ZNF385A: variants seen among roughly 807,000 people sequenced by gnomAD.
ZNF385A encodes zinc finger protein 385A.
A neutral mutation model predicts 32.1 loss-of-function variants in ZNF385A; 14 were observed. That is an observed-to-expected ratio of 0.44 (90% CI 0.29 to 0.68). The LOEUF (loss-of-function observed/expected upper bound fraction) is 0.68. Ranked by LOEUF, ZNF385A falls within the 30% of genes least tolerant of loss-of-function variation. The pLI is 0.14. For synonymous variants in ZNF385A, 197 were observed against 202.7 expected (o/e 0.97, Z 0.24); for missense variants, 406 against 478.4 (o/e 0.85, Z 1.41).
upstream of ZNF385A, among the ~76,000 whole-genome samples, chr12:54,387,942 G>A (rs2137315248): frequency 6.6e-6 from 1 of 152,260 alleles, no homozygotes; most frequent in African/African-American, 2.4e-5. Flanking sequence ...AATGGCTGGG[G>A]AGGCAGGAAC....
intron 3 of ZNF385A, among the ~76,000 whole-genome samples, chr12:54,373,501 C>T (rs1189769158): frequency 6.8e-6 from 1 of 147,466 alleles, no homozygotes; most frequent in Non-Finnish European, 1.5e-5. Flanking sequence ...AAAAAAAACT[C>T]TGACTAGGGA....
upstream of ZNF385A, among the ~76,000 whole-genome samples, chr12:54,387,136 G>T (rs1051758497): frequency 4.6e-5 from 7 of 152,192 alleles, no homozygotes; most frequent in African/African-American, 9.7e-5. Context: ...GAGAGGAAGG[G>T]GAGAGCAGGT....
In ZNF385A at chr12:54,371,649, G is replaced by T; in HGVS notation, c.428C>A (p.Pro143His). Residue 143 changes from proline (P) to histidine (H), a missense_variant, in exon 4 of 7, where the codon CCT (proline) becomes CAT (histidine). Transcript: ENST00000394313. ...SPEKQPGSPS[P>H]PSIPETGQGV... ...CTGACCAGTCTCCGGAATGCTGGGA[G>T]GGGATGGGGAGCCAGGCTGTTTCTC... is the stretch of plus-strand genomic sequence containing the variant. 6.2e-7 allele frequency: 1 copy of T among 1,610,922 alleles called. No individual in the cohort carries two copies. The highest frequency in any genetic ancestry group is 8.5e-7 in the Non-Finnish European group (1 of 1,179,024).
chr12:54,374,023 G>A lies in ZNF385A; in HGVS notation c.311C>T (p.Ala104Val), dbSNP rs755786085. 6.3e-7 allele frequency: 1 copy of A among 1,596,352 alleles called. No homozygotes were observed. Among genetic ancestry groups the A allele is most frequent in the South Asian group, 1.1e-5 (1 of 89,128 alleles). The change falls in exon 3 of 7, where the codon GCT (alanine) becomes GTT (valine). Residue 104 changes from alanine (A) to valine (V), a missense_variant. By Grantham distance (64) the Ala-to-Val change is moderately conservative. Transcript: ENST00000394313. Reference sequence around the variant, plus strand: ...ATTTGTTGGGGTGCTGCCTGGGGGAGCTGGGTCTCCAGGTTCTCGGACGCC... The same window carrying A: ...ATTTGTTGGGGTGCTGCCTGGGGGAACTGGGTCTCCAGGTTCTCGGACGCC... Reference protein sequence around the residue: ...EPGVREPGDPAPPGSTPTNGD... With the variant: ...EPGVREPGDPVPPGSTPTNGD...
In ZNF385A at chr12:54,370,727, G is replaced by A; in HGVS notation, c.775-6C>T. The A allele has an allele frequency of 6.3e-7, 1 of 1,585,282 alleles. No individual in the cohort carries two copies. Among genetic ancestry groups the A allele is most frequent in the Non-Finnish European group, 8.6e-7 (1 of 1,169,024 alleles). On this transcript the variant is annotated splice_region_variant and splice_polypyrimidine_tract_variant and intron_variant, in intron 5 of 6. Coordinates refer to ENST00000394313, the MANE Select transcript of ZNF385A (RefSeq NM_015481.3). This position sits in a 1 kb window ranked among gnomAD's most constrained non-coding sequence, Gnocchi z 5.5. Reference sequence around the variant, plus strand: ...TGCCGCCGGCTGGAGATGTGCTGCGGGGGCCAGTGGATAGGGGGCTGTGAG... The same window carrying A: ...TGCCGCCGGCTGGAGATGTGCTGCGAGGGCCAGTGGATAGGGGGCTGTGAG...
intron 3 of ZNF385A, among the ~76,000 whole-genome samples, chr12:54,373,496 A>AT (rs1954667898): frequency 6.6e-6 from 1 of 151,928 alleles, no homozygotes; most frequent in African/African-American, 2.4e-5. Context: ...AAAAAAAAAA[A>AT]AACTCTGACT....
intron 1 of ZNF385A, among the ~76,000 whole-genome samples, chr12:54,377,755 C>G (rs1037274164): frequency 9.9e-5 from 15 of 152,134 alleles, no homozygotes; most frequent in African/African-American, 3.6e-4. Context: ...TTCCAGAGTT[C>G]TCCTCAGCCC....
At chr12:54,388,548 G>A (rs1565632996), upstream of ZNF385A, among the ~76,000 whole-genome samples, 1 of 152,218 alleles carries the variant, frequency 6.6e-6, no homozygotes, top group Non-Finnish European at 1.5e-5. Context: ...GTTAGTATAG[G>A]GCTGTGGGTT....
In ZNF385A at chr12:54,370,623, C is replaced by G; in HGVS notation, c.870+3G>C. 1 of 1,596,916 alleles carries G rather than the reference C, an allele frequency of 6.3e-7. No homozygotes were observed. The highest frequency in any genetic ancestry group is 8.5e-7 in the Non-Finnish European group (1 of 1,172,010). ...TGCTGAATTCCCAGCATCCAGGCCTCACCGCCAGCTCCCCGGCGCCCCTAG... is the reference window on the plus strand; with the variant it reads ...TGCTGAATTCCCAGCATCCAGGCCTGACCGCCAGCTCCCCGGCGCCCCTAG... On this transcript the variant is annotated splice_donor_region_variant and intron_variant, in intron 6 of 6. Transcript: ENST00000394313. The surrounding 1 kb of genome is among the most constrained non-coding windows in gnomAD (Gnocchi z 5.5).
rs574719736 is a variant in ZNF385A at position 54,373,077 on chromosome 12, A to ACCTGCCC, written c.361+889_361+895dup. On this transcript the variant is annotated intron_variant, in intron 3 of 6. Transcript: ENST00000394313. ...ACAAAAAACAGAACTCAGTTCCCCC[A>ACCTGCCC]CCTGCCCGCCTGCCCACTCACTCTG... 1.8e-4 allele frequency: 28 copies of ACCTGCCC among 158,442 alleles called. No individual in the cohort carries two copies. The South Asian group carries it at 3.7e-3, about 21-fold the overall frequency. The allele number at this position is 158,442 out of a possible 1,614,324, so 9.8% of individuals were successfully genotyped here.
At position 54,371,323 on chromosome 12, in the gene ZNF385A, G is replaced by C. The variant is rs1343838707; in HGVS notation, c.604+150C>G. The C allele has an allele frequency of 6.0e-6, 7 of 1,168,910 alleles. No individual in the cohort carries two copies. The South Asian group carries it at 8.9e-5, about 15-fold the overall frequency. The allele number at this position is 1,168,910 out of a possible 1,614,324, so 72.4% of individuals were successfully genotyped here. A position where few individuals can be genotyped will look rare whatever the true frequency, so the allele number is the denominator to read the frequency against. ...GGAGCTGAGGAAGTAAAGGGCTAAG[G>C]AACAGGGGAGATGGCTGGAGAAGGA... On this transcript the variant is annotated intron_variant, in intron 4 of 6. Transcript: ENST00000394313.
At chr12:54,377,507 G>C (rs1487623756) in intron 1 of ZNF385A, among the ~76,000 whole-genome samples, 1 of 152,168 alleles carries the variant, frequency 6.6e-6, no homozygotes, top group East Asian at 1.9e-4. Context: ...GTCATGTACT[G>C]TGCGTACATC....
At position 54,371,573 on chromosome 12, in the gene ZNF385A, C is replaced by T; in HGVS notation, c.504G>A (p.Gly168=). The part of the protein sequence containing the change: ...GGTPAPASLP[G]GSKEEEEKAK... ...CTTTCTCCTCCTCTTCCTTGCTACC[C>T]CCAGGCAAGGAAGCCGGGGCTGGAG... Residue 168 remains glycine, a synonymous_variant, in exon 4 of 7, where the codon GGG becomes GGA. Transcript: ENST00000394313. 6.2e-7 allele frequency: 1 copy of T among 1,613,756 alleles called. No individual in the cohort carries two copies. Among genetic ancestry groups the T allele is most frequent in the South Asian group, 1.1e-5 (1 of 91,048 alleles).
At chr12:54,374,950 C>T (rs1169893884) in intron 2 of ZNF385A, among the ~76,000 whole-genome samples, 1 of 152,112 alleles carries the variant, frequency 6.6e-6, no homozygotes, top group African/African-American at 2.4e-5. Flanking sequence ...AAGAATGTAC[C>T]ATCCTGGAGG....
At position 54,369,946 on chromosome 12, in the gene ZNF385A, A is replaced by C; in HGVS notation, c.*310T>G. 25 of 263,278 alleles carry C rather than the reference A, an allele frequency of 9.5e-5. No homozygotes were observed. Among genetic ancestry groups the C allele is most frequent in the East Asian group, 2.6e-4 (4 of 15,462 alleles). 16.3% of individuals were successfully genotyped at this position (263,278 alleles called of 1,614,324 possible). ...CCGTTTTGTGCTAGGTTTGGGGGGA[A>C]GGGCTGGATGGACATGGCTTTTGGG... On this transcript the variant is annotated 3_prime_UTR_variant, in exon 7 of 7. Transcript: ENST00000394313.
At chr12:54,377,501 T>C (rs543513869) in intron 1 of ZNF385A, among the ~76,000 whole-genome samples, 3 of 152,342 alleles carry the variant, frequency 2.0e-5, no homozygotes, top group Non-Finnish European at 4.4e-5. Flanking sequence ...ATAAGTGTCA[T>C]GTACTGTGCG....
At chr12:54,381,199 A>C (rs1198656657) in intron 1 of ZNF385A, 1 of 150,764 alleles carries the variant, frequency 6.6e-6, no homozygotes, top group Non-Finnish European at 1.5e-5. Flanking sequence ...CTGTCTCAAA[A>C]AAAAAAAAAA....
At position 54,370,472 on chromosome 12, in the gene ZNF385A, G is replaced by C. The variant is rs1037609314; in HGVS notation, c.885C>G (p.Phe295Leu). 7.7e-6 allele frequency: 12 copies of C among 1,551,284 alleles called. No individual in the cohort carries two copies. Among genetic ancestry groups the C allele is most frequent in the Non-Finnish European group, 1.0e-5 (12 of 1,146,832 alleles). ...CCAGGGACTTGGGCAGCTCCTTGGA[G>C]AAAGTCAGCGTGCCCTGAAGCGGGC... ...GAGELAGTLT[F>L]SKELPKSLAG... Residue 295 changes from phenylalanine (F) to leucine (L), a missense_variant, in exon 7 of 7, where the codon TTC becomes TTG. Physicochemically the swap from Phe to Leu is conservative, Grantham distance 22. Coordinates refer to ENST00000394313, the MANE Select transcript of ZNF385A (RefSeq NM_015481.3). This position sits in a 1 kb window ranked among gnomAD's most constrained non-coding sequence, Gnocchi z 5.5.
intron 3 of ZNF385A, 57 bp from the exon 4 acceptor site, chr12:54,371,772 T>C: frequency 1.3e-6 from 2 of 1,596,254 alleles, no homozygotes; most frequent in Non-Finnish European, 1.7e-6. Context: ...AGAAGACTCT[T>C]CATGTGGAAG....
Sources: gnomAD v4.1 joint callset for allele counts (sites outside exome capture counted in the v4.1 genomes callset) on GRCh38, gnomAD v4.1.1 for gene constraint, Gnocchi (gnomAD v3.1) non-coding constraint, MANE v1.5 for transcripts, NCBI Gene and HGNC (gene_info 2026-07-23, HGNC 2026-07-21) for gene names.